MDC1: variants seen among roughly 807,000 people sequenced by gnomAD.
MDC1 encodes mediator of DNA damage checkpoint protein 1.
MDC1 carries 81 observed loss-of-function variants against 142.5 expected under a neutral mutation model. The ratio of observed to expected loss-of-function variants is 0.57; its 90% CI spans 0.47 to 0.68. The LOEUF (loss-of-function observed/expected upper bound fraction) is 0.68, where lower values mean the gene tolerates loss of function less well. Among genes scored for constraint, MDC1 ranks in the 30% least tolerant of loss-of-function variants. MDC1 has a pLI of 0.00. For missense variants in MDC1, 2,119 were observed against 2,547.9 expected (o/e 0.83, Z 3.62); for synonymous variants, 797 against 968.4 (o/e 0.82, Z 3.29).
rs1364984718 is a variant in MDC1 at position 30,708,350 on chromosome 6, T to C, written c.2229A>G (p.Leu743=). 1 of 1,608,616 alleles carries C rather than the reference T, an allele frequency of 6.2e-7. No individual in the cohort carries two copies. Among genetic ancestry groups the C allele is most frequent in the South Asian group, 1.1e-5 (1 of 91,052 alleles). The stretch of plus-strand genomic sequence containing the variant: ...TAGCCAGGACCTCCCATGGTTCATC[T>C]AGGGTACCTGGAAGGGGAGGAAGGA... ...SHCSFQTTGT[L]DEPWEVLATQ... is the part of the protein sequence containing the mutation. Residue 743 remains leucine, a synonymous_variant, in exon 8 of 15, where the codon CTA becomes CTG. Transcript: ENST00000376406.
rs535510516 is a variant in MDC1, at chr6:30,709,439, C to G, written c.2222-1082G>C. On this transcript the variant is annotated intron_variant, in intron 7 of 14. Transcript: ENST00000376406. This position sits in a 1 kb window ranked among gnomAD's most constrained non-coding sequence, Gnocchi z 4.2. ...ATGGGGTACCTGTGCTATTTTGACT[C>G]ATGCATACAATGTACAATGATAAAA... 1.3e-5 allele frequency among the ~76,000 whole-genome samples: 2 copies of G among 152,318 alleles called. No homozygotes were observed. The highest frequency in any genetic ancestry group is 1.3e-4 in the Admixed American group (2 of 15,292).
chr6:30,704,606 G>T lies in MDC1; in HGVS notation c.4577C>A (p.Thr1526Asn), dbSNP rs1458773136. ...GGCTGCGGGCACAACTGTTTCAGGG[G>T]TCTTGACAGAGGACCGATTTTTTCT... ...RGRKNRSSVK[T>N]PETVVPAAPE... Residue 1526 changes from threonine (T) to asparagine (N), a missense_variant, in exon 10 of 15, where the codon ACC (threonine) becomes AAC (asparagine). Coordinates refer to ENST00000376406, the MANE Select transcript of MDC1 (RefSeq NM_014641.3). 6.2e-7 allele frequency: 1 copy of T among 1,610,516 alleles called. No individual in the cohort carries two copies. The highest frequency in any genetic ancestry group is 1.7e-5 in the Admixed American group (1 of 59,418).
At chr6:30,708,855 CAAA>C (rs59939040) in intron 7 of MDC1, among the ~76,000 whole-genome samples, 1,420 of 55,190 alleles carry the variant, frequency 0.026, 20 homozygotes, top group African/African-American at 0.07. Context: ...GACTCTGTCT[CAAA>C]AAAAAAAAAA....
At chr6:30,710,334 C>T (rs1465345206) in intron 7 of MDC1, among the ~76,000 whole-genome samples, 2 of 152,122 alleles carry the variant, frequency 1.3e-5, no homozygotes, top group African/African-American at 4.8e-5. Context: ...TGTGATCCAC[C>T]CACTTCGGCT....
chr6:30,712,392 G>T lies in MDC1; in HGVS notation c.1550C>A (p.Thr517Asn). The T allele has an allele frequency of 1.2e-6, 2 of 1,613,132 alleles. No individual in the cohort carries two copies. Among genetic ancestry groups the T allele is most frequent in the Middle Eastern group, 1.6e-4 (1 of 6,062 alleles). ...CACTTGTGTGTTGATGTCCACTGTGGTGGAGGCTTGGCTTCTCTCCAGGTG... is the reference window on the plus strand; with the variant it reads ...CACTTGTGTGTTGATGTCCACTGTGTTGGAGGCTTGGCTTCTCTCCAGGTG... ...GIHLERSQASTTVDINTQVEK... is the reference protein window; with the variant it reads ...GIHLERSQASNTVDINTQVEK... The change falls in exon 5 of 15, where the codon ACC becomes AAC. Residue 517 changes from threonine to asparagine, a missense_variant. Physicochemically the swap from Thr to Asn is moderately conservative, Grantham distance 65. Coordinates refer to ENST00000376406, the MANE Select transcript of MDC1 (RefSeq NM_014641.3). This position sits in a 1 kb window ranked among gnomAD's most constrained non-coding sequence, Gnocchi z 4.7.
At chr6:30,714,264 C>T (rs1299527778) in intron 2 of MDC1, 81 bp from the exon 3 acceptor site, 10 of 1,405,804 alleles carry the variant, frequency 7.1e-6, no homozygotes, top group Non-Finnish European at 9.5e-6. Flanking sequence ...AGGTACTCTA[C>T]TACTCACTCA....
Position 30,700,436 on chromosome 6 carries a change from G to C in MDC1, c.*29C>G, listed in dbSNP as rs760943919. Reference sequence around the variant, plus strand: ...TCTTCCACATATCTTCTAATTCGTGGTCTGGGAGGGAAAAGGGTAGTGGAG... The same window carrying C: ...TCTTCCACATATCTTCTAATTCGTGCTCTGGGAGGGAAAAGGGTAGTGGAG... On this transcript the variant is annotated 3_prime_UTR_variant, in exon 15 of 15. Transcript: ENST00000376406. 6 of 1,595,066 alleles carry C rather than the reference G, an allele frequency of 3.8e-6. No homozygotes were observed. Among genetic ancestry groups the C allele is most frequent in the Non-Finnish European group, 3.4e-6 (4 of 1,166,242 alleles).
Position 30,707,749 on chromosome 6 carries a change from T to C in MDC1, c.2830A>G (p.Arg944Gly), listed in dbSNP as rs138119404. ...EEKVPKVILE[R>G]DTQRGEPEGG... is the part of the protein sequence containing the mutation. ...TCTGGCTCCCCTCTCTGTGTATCTC[T>C]CTCCAGGATCACTTTGGGCACCTTC... Residue 944 changes from arginine to glycine, a missense_variant, in exon 8 of 15, where the codon AGA becomes GGA. Coordinates refer to ENST00000376406, the MANE Select transcript of MDC1 (RefSeq NM_014641.3). 5 of 1,612,940 alleles carry C rather than the reference T, an allele frequency of 3.1e-6. No homozygotes were observed. The African/African-American group carries it at 6.7e-5, about 22-fold the overall frequency.
Position 30,713,864 on chromosome 6 carries a change from T to G in MDC1, c.456A>C (p.Arg152Ser). The change falls in exon 3 of 15, where the codon AGA becomes AGC. Residue 152 changes from arginine (R) to serine (S), a missense_variant. By Grantham distance (110) the Arg-to-Ser change is moderately radical (BLOSUM62 -1). Transcript: ENST00000376406. This position sits in a 1 kb window ranked among gnomAD's most constrained non-coding sequence, Gnocchi z 4.9. ...RGPLTVEETPRVQGETQPQRL... is the reference protein window; with the variant it reads ...RGPLTVEETPSVQGETQPQRL... ...TCTGGGGTTGAGTTTCTCCCTGTAC[T>G]CTGGGTGTCTCTTCTACTGTCAGAG... The G allele has an allele frequency of 1.2e-6, 2 of 1,614,132 alleles. No homozygotes were observed. The highest frequency in any genetic ancestry group is 1.7e-6 in the Non-Finnish European group (2 of 1,180,030).
At position 30,712,505 on chromosome 6, in the gene MDC1, G is replaced by C. The variant is rs753287208; in HGVS notation, c.1437C>G (p.Ala479=). The C allele has an allele frequency of 6.2e-7, 1 of 1,612,970 alleles. No homozygotes were observed. The highest frequency in any genetic ancestry group is 2.2e-5 in the East Asian group (1 of 44,880). ...CCTTTTCTGAATGTGCTCTAACAAG[G>C]GCTCTAATCTTTGTGTGATCCTTGA... ...AVLKDHTKIR[A]LVRAHSEKDQ... is the part of the protein sequence containing the mutation. The change falls in exon 5 of 15, where the codon GCC becomes GCG. Residue 479 remains alanine (A), a synonymous_variant. Transcript: ENST00000376406. This position sits in a 1 kb window ranked among gnomAD's most constrained non-coding sequence, Gnocchi z 4.7.
intron 9 of MDC1, among the ~76,000 whole-genome samples, chr6:30,706,835 T>G (rs1446989657): frequency 1.4e-5 from 2 of 145,276 alleles, no homozygotes; most frequent in East Asian, 2.1e-4. Flanking sequence ...CCGGGTGACA[T>G]GCGCCTGTAG....
chr6:30,700,772 GA>G, intron 14 of MDC1, 140 bp from the exon 15 acceptor site: 1 of 836,656 alleles, frequency 1.2e-6, no homozygotes, highest in Non-Finnish European at 1.8e-6. Context: ...TACTGTCTAT[GA>G]AATACTCTTG....
chr6:30,707,666 C>G lies in MDC1; in HGVS notation c.2913G>C (p.Val971=), dbSNP rs745557120. 6.2e-6 allele frequency: 10 copies of G among 1,612,936 alleles called. No individual in the cohort carries two copies. In the South Asian group the frequency reaches 8.8e-5, roughly 14 times the overall value. The change falls in exon 8 of 15, where the codon GTG becomes GTC. Residue 971 remains valine (V), a synonymous_variant. Transcript: ENST00000376406. ...TAGGTCCCGGAAGGTCCCCCGCCCC[C>G]ACCCCAGGCTCTGGTGTTGGGCTGG... ...QASSPTPEPG[V]GAGDLPGPTS...
At position 30,700,345 on chromosome 6, in the gene MDC1, T is replaced by A; in HGVS notation, c.*120A>T. On this transcript the variant is annotated 3_prime_UTR_variant, in exon 15 of 15. Coordinates refer to ENST00000376406, the MANE Select transcript of MDC1 (RefSeq NM_014641.3). ...TTCATTTATTCATAAAGATTTCTGG[T>A]CCCACCCATGTTCCAGGACAAGTTG... 1 of 1,008,364 alleles carries A rather than the reference T, an allele frequency of 9.9e-7. No individual in the cohort carries two copies. Among genetic ancestry groups the A allele is most frequent in the Non-Finnish European group, 1.4e-6 (1 of 723,862 alleles). The allele number at this position is 1,008,364 out of a possible 1,614,324, so 62.5% of individuals were successfully genotyped here.
Position 30,707,599 on chromosome 6 carries a change from C to A in MDC1, c.2980G>T (p.Gly994Ter). 6.2e-7 allele frequency: 1 copy of A among 1,612,492 alleles called. No homozygotes were observed. The highest frequency in any genetic ancestry group is 1.3e-5 in the African/African-American group (1 of 75,030). ...VPSGSQSGGR[G>*]SPVSPRRHQK... ...TGCCTCCTGGGGCTCACTGGGGATCCCCTTCCACCTGACTGGCTCCCAGAA... is the reference window on the plus strand; with the variant it reads ...TGCCTCCTGGGGCTCACTGGGGATCACCTTCCACCTGACTGGCTCCCAGAA... Residue 994 changes from glycine to a stop codon, truncating the protein, a stop_gained, in exon 8 of 15, where the codon GGA becomes TGA. Transcript: ENST00000376406. LOFTEE classifies it high-confidence loss of function.
At chr6:30,714,908 A>G in intron 2 of MDC1, 132 bp downstream of exon 2, 16 of 933,896 alleles carry the variant, frequency 1.7e-5, no homozygotes, top group Non-Finnish European at 2.4e-5. Flanking sequence ...AATCGGCCCC[A>G]TCTCTTCCAT....
Position 30,703,503 on chromosome 6 carries a change from C to CT in MDC1, c.5596dup (p.Arg1866LysfsTer22). The CT allele has an allele frequency of 1.2e-6, 2 of 1,613,674 alleles. No homozygotes were observed. The highest frequency in any genetic ancestry group is 1.7e-6 in the Non-Finnish European group (2 of 1,180,034). ...GTTGGGCTCCTCCTCTGCCTGGTCT[C>CT]TCTTTCTCTTGCCTGGTTTTGGAGT... On this transcript the variant is annotated frameshift_variant, in exon 11 of 15. Coordinates refer to ENST00000376406, the MANE Select transcript of MDC1 (RefSeq NM_014641.3). LOFTEE classifies it high-confidence loss of function. The surrounding 1 kb of genome is among the most constrained non-coding windows in gnomAD (Gnocchi z 4.4).
chr6:30,711,821 C>A, intron 5 of MDC1, 53 bp downstream of exon 5: 3 of 1,555,648 alleles, frequency 1.9e-6, no homozygotes, highest in Non-Finnish European at 1.7e-6. Context: ...CCAACCCCAG[C>A]TGTTAGAACC....
rs978757729 is a variant in MDC1 at position 30,715,550 on chromosome 6, G to T, written c.-3-372C>A. On this transcript the variant is annotated intron_variant, in intron 1 of 14. Coordinates refer to ENST00000376406, the MANE Select transcript of MDC1 (RefSeq NM_014641.3). This position sits in a 1 kb window ranked among gnomAD's most constrained non-coding sequence, Gnocchi z 4.1. Reference sequence around the variant, plus strand: ...GATGGGGTTTTGCCATATTGGCCAGGGTGGACTCGAACTCTTGACCTTGGG... The same window carrying T: ...GATGGGGTTTTGCCATATTGGCCAGTGTGGACTCGAACTCTTGACCTTGGG... Among the ~76,000 whole-genome samples the T allele has an allele frequency of 6.6e-6, 1 of 152,168 alleles. No homozygotes were observed. The highest frequency in any genetic ancestry group is 2.4e-5 in the African/African-American group (1 of 41,452).
Sources: gnomAD v4.1 joint callset for allele counts (sites outside exome capture counted in the v4.1 genomes callset) on GRCh38, gnomAD v4.1.1 for gene constraint, Gnocchi (gnomAD v3.1) non-coding constraint, MANE v1.5 for transcripts, NCBI Gene and HGNC (gene_info 2026-07-23, HGNC 2026-07-21) for gene names.